SORCS3: variants seen among roughly 807,000 people sequenced by gnomAD.
The protein encoded by SORCS3 is VPS10 domain-containing receptor SorCS3.
SORCS3 carries 57 observed loss-of-function variants against 146.3 expected under a neutral mutation model. The ratio of observed to expected loss-of-function variants is 0.39; its 90% CI spans 0.31 to 0.49. SORCS3 has a LOEUF of 0.49. Ranked by LOEUF, SORCS3 falls within the 20% of genes least tolerant of loss-of-function variation. The pLI is 0.92. For missense variants in SORCS3, 1,341 were observed against 1,575.5 expected, an observed-to-expected ratio of 0.85 and a Z score of 2.52; for synonymous variants, 653 against 618.5, an observed-to-expected ratio of 1.06 and a Z score of -0.83.
At chr10:104,686,565 C>T (rs909652467) in intron 1 of SORCS3, among the ~76,000 whole-genome samples, 2 of 152,168 alleles carry the variant, frequency 1.3e-5, no homozygotes, top group Non-Finnish European at 2.9e-5. Context: ...GCCAGGAAGA[C>T]TCAGGAACCC....
intron 22 of SORCS3, among the ~76,000 whole-genome samples, chr10:105,249,905 A>G: frequency 6.6e-6 from 1 of 152,084 alleles, no homozygotes; most frequent in Non-Finnish European, 1.5e-5. Flanking sequence ...AAGAAAAAAC[A>G]AAGAAAAAAT....
At chr10:104,649,385 A>G in intron 1 of SORCS3, among the ~76,000 whole-genome samples, 1 of 152,240 alleles carries the variant, frequency 6.6e-6, no homozygotes, top group East Asian at 1.9e-4. Context: ...GTGAGACTGT[A>G]CAGGGCAGAG....
At chr10:104,923,535 G>A (rs1324512516) in intron 3 of SORCS3, among the ~76,000 whole-genome samples, 4 of 152,188 alleles carry the variant, frequency 2.6e-5, no homozygotes, top group African/African-American at 7.2e-5. Flanking sequence ...CTATCAGCAT[G>A]AGCCAATGCA....
At chr10:104,855,155 GT>G (rs2018315951) in intron 2 of SORCS3, among the ~76,000 whole-genome samples, 1 of 152,178 alleles carries the variant, frequency 6.6e-6, no homozygotes, top group African/African-American at 2.4e-5. Context: ...ATATGGGACT[GT>G]TTTTTGCTGT....
intron 3 of SORCS3, among the ~76,000 whole-genome samples, chr10:104,947,988 A>C: frequency 6.6e-6 from 1 of 152,220 alleles, no homozygotes; most frequent in Non-Finnish European, 1.5e-5. Context: ...GGATGCCAGC[A>C]CTATTTTTGT....
At chr10:104,916,953 G>T (rs911003474) in intron 3 of SORCS3, among the ~76,000 whole-genome samples, 3 of 152,156 alleles carry the variant, frequency 2.0e-5, no homozygotes, top group African/African-American at 7.2e-5. Context: ...ATGCTGCTCA[G>T]AGCAGAGCAG....
At chr10:104,757,066 GTTTTTTTTTTTTT>G in intron 1 of SORCS3, among the ~76,000 whole-genome samples, 1 of 83,976 alleles carries the variant, frequency 1.2e-5, no homozygotes, top group South Asian at 5.1e-4. Flanking sequence ...CAAGTTAAGG[GTTTTTTTTTTTTT>G]TTTTTTTTTT....
intron 21 of SORCS3, among the ~76,000 whole-genome samples, chr10:105,246,073 C>G (rs529326335): frequency 9.9e-5 from 15 of 152,152 alleles, no homozygotes; most frequent in Non-Finnish European, 1.9e-4. Context: ...GAGATGATCT[C>G]TATTCACAAC....
chr10:104,849,632 A>G (rs1462509670), intron 2 of SORCS3, among the ~76,000 whole-genome samples: 1 of 152,206 alleles, frequency 6.6e-6, no homozygotes, highest in East Asian at 1.9e-4. Context: ...TTACTTTTCC[A>G]TAAAAATAGA....
chr10:104,960,720 A>G (rs1254374367), intron 3 of SORCS3, among the ~76,000 whole-genome samples: 1 of 152,162 alleles, frequency 6.6e-6, no homozygotes, highest in Admixed American at 6.6e-5. Context: ...AAATTTCAAC[A>G]TGAGTTTTGG....
At chr10:104,801,255 C>T (rs1028601539) in intron 1 of SORCS3, among the ~76,000 whole-genome samples, 1 of 152,192 alleles carries the variant, frequency 6.6e-6, no homozygotes, top group Non-Finnish European at 1.5e-5. Context: ...GTTTGGGCTA[C>T]TAAGTTAGGG....
At chr10:104,732,344 G>A (rs981106221) in intron 1 of SORCS3, among the ~76,000 whole-genome samples, 3 of 152,128 alleles carry the variant, frequency 2.0e-5, no homozygotes, top group Non-Finnish European at 4.4e-5. Context: ...ATGAGGTCAG[G>A]GCCATTGTTA....
chr10:104,779,965 C>A (rs543878031), intron 1 of SORCS3, among the ~76,000 whole-genome samples: 2 of 152,138 alleles, frequency 1.3e-5, no homozygotes, highest in East Asian at 3.9e-4. Flanking sequence ...GTCATTCATC[C>A]GAGGGAGGCT....
chr10:104,992,590 A>T (rs944717634), intron 4 of SORCS3, among the ~76,000 whole-genome samples: 3 of 152,206 alleles, frequency 2.0e-5, no homozygotes, highest in Non-Finnish European at 4.4e-5. Flanking sequence ...AGCTCAGCAC[A>T]TGAAGCCTTT....
chr10:104,863,287 A>C (rs2018425089), intron 2 of SORCS3, among the ~76,000 whole-genome samples: 1 of 152,176 alleles, frequency 6.6e-6, no homozygotes. Flanking sequence ...AGCAGAACAC[A>C]TGCCTCTATG....
chr10:105,219,001 C>A (rs1020290759), intron 19 of SORCS3, among the ~76,000 whole-genome samples: 7 of 151,788 alleles, frequency 4.6e-5, no homozygotes, highest in Admixed American at 3.3e-4. Flanking sequence ...GGAGACAGAG[C>A]GAGACCCCGT....
intron 1 of SORCS3, among the ~76,000 whole-genome samples, chr10:104,760,790 G>C (rs1041759785): frequency 6.6e-6 from 1 of 152,098 alleles, no homozygotes; most frequent in Non-Finnish European, 1.5e-5. Context: ...TGAGTCTCTT[G>C]ATTCAGAGAC....
At chr10:104,936,401 T>C (rs941288997) in intron 3 of SORCS3, among the ~76,000 whole-genome samples, 1 of 152,138 alleles carries the variant, frequency 6.6e-6, no homozygotes, top group Non-Finnish European at 1.5e-5. Flanking sequence ...AAATTAGTGT[T>C]TGGATGTTGG....
Position 105,178,119 on chromosome 10 carries a change from C to T in SORCS3, c.1955C>T (p.Pro652Leu). 1 of 1,613,602 alleles carries T rather than the reference C, an allele frequency of 6.2e-7. No homozygotes were observed. The highest frequency in any genetic ancestry group is 8.5e-7 in the Non-Finnish European group (1 of 1,179,742). The change falls in exon 14 of 27, where the codon CCT becomes CTT. Residue 652 changes from proline (P) to leucine (L), a missense_variant. Physicochemically the swap from Pro to Leu is moderately conservative, Grantham distance 98 (BLOSUM62 -3). Coordinates refer to ENST00000369701, the MANE Select transcript of SORCS3 (RefSeq NM_014978.3). The stretch of plus-strand genomic sequence containing the variant: ...GACAAGTATGGTTTCACTTCGGTTC[C>T]TCTCTTTGTTGACGGGGCTCTGGTG... ...SWDKYGFTSV[P>L]LFVDGALVEA...
Sources: gnomAD v4.1 joint callset for allele counts (sites outside exome capture counted in the v4.1 genomes callset) on GRCh38, gnomAD v4.1.1 for gene constraint, MANE v1.5 for transcripts, NCBI Gene and HGNC (gene_info 2026-07-23, HGNC 2026-07-21) for gene names.